ESRRG: variants seen among roughly 807,000 people sequenced by gnomAD.
ESRRG encodes estrogen-related receptor gamma.
A neutral mutation model predicts 44.0 loss-of-function variants in ESRRG; 13 were observed. That is an observed-to-expected ratio of 0.30 (90% CI 0.19 to 0.47). ESRRG has a LOEUF of 0.47. Among genes scored for constraint, ESRRG ranks in the 20% least tolerant of loss-of-function variants. The probability of loss-of-function intolerance (pLI) is 1.00; values close to 1 mark genes in which losing one functional copy is unlikely to be tolerated. For synonymous variants in ESRRG, 215 were observed against 214.6 expected, an observed-to-expected ratio of 1.00 and a Z score of -0.02; for missense variants, 395 against 580.6, an observed-to-expected ratio of 0.68 and a Z score of 3.29.
chr1:216,545,480 A>G (rs769831635), intron 5 of ESRRG, among the ~76,000 whole-genome samples: 1 of 152,080 alleles, frequency 6.6e-6, no homozygotes, highest in Non-Finnish European at 1.5e-5. Flanking sequence ...AATTAGTCTG[A>G]TGTTATTTGT....
chr1:216,897,189 AC>A (rs2058530665), intron 2 of ESRRG, among the ~76,000 whole-genome samples: 1 of 152,132 alleles, frequency 6.6e-6, no homozygotes, highest in Admixed American at 6.5e-5. Flanking sequence ...AATGAGAAGG[AC>A]CCAGTGGATT....
At chr1:217,012,061 T>C (rs1397558198) in intron 1 of ESRRG, among the ~76,000 whole-genome samples, 1 of 152,064 alleles carries the variant, frequency 6.6e-6, no homozygotes, top group Non-Finnish European at 1.5e-5. Context: ...AGAAGATGAG[T>C]ACACAAATAT....
At chr1:217,036,656 C>A (rs975508903) in intron 1 of ESRRG, among the ~76,000 whole-genome samples, 20 of 151,904 alleles carry the variant, frequency 1.3e-4, no homozygotes, top group African/African-American at 4.8e-4. Context: ...CACACTGGGG[C>A]CTATTGGAGG....
At chr1:216,877,704 A>T (rs1439923723) in intron 2 of ESRRG, among the ~76,000 whole-genome samples, 1 of 152,144 alleles carries the variant, frequency 6.6e-6, no homozygotes, top group Non-Finnish European at 1.5e-5. Flanking sequence ...ACATACAGGC[A>T]GATCACCGCG....
intron 3 of ESRRG, among the ~76,000 whole-genome samples, chr1:216,622,612 A>T (rs184448532): frequency 5.0e-4 from 76 of 152,028 alleles, no homozygotes; most frequent in African/African-American, 1.7e-3. Flanking sequence ...TGAAAATTAC[A>T]CACACGCACA....
At chr1:216,833,966 G>A (rs2095525456) in intron 2 of ESRRG, among the ~76,000 whole-genome samples, 1 of 152,208 alleles carries the variant, frequency 6.6e-6, no homozygotes, top group Non-Finnish European at 1.5e-5. Flanking sequence ...GAGACCATGA[G>A]TCTCTCTAGT....
At chr1:216,966,797 T>C (rs965583867) in intron 1 of ESRRG, among the ~76,000 whole-genome samples, 6 of 152,136 alleles carry the variant, frequency 3.9e-5, no homozygotes, top group African/African-American at 1.2e-4. Context: ...TATAAGCCAC[T>C]ATAAACCAAT....
At chr1:216,577,310 G>T (rs1352412367) in intron 3 of ESRRG, among the ~76,000 whole-genome samples, 1 of 151,874 alleles carries the variant, frequency 6.6e-6, no homozygotes, top group African/African-American at 2.4e-5. Flanking sequence ...ATTGAAAAAA[G>T]ATACTACTAT....
intron 1 of ESRRG, among the ~76,000 whole-genome samples, chr1:216,979,750 T>C (rs1481646395): frequency 6.6e-6 from 1 of 152,110 alleles, no homozygotes; most frequent in Non-Finnish European, 1.5e-5. Context: ...CTATAATAAG[T>C]GTTTAATAAC....
At chr1:216,818,016 G>GA (rs1188639249) in intron 2 of ESRRG, among the ~76,000 whole-genome samples, 7 of 151,842 alleles carry the variant, frequency 4.6e-5, no homozygotes, top group African/African-American at 1.7e-4. Flanking sequence ...TTTGTAAAAA[G>GA]AAAAAACTAT....
At chr1:216,920,269 G>A (rs760327838) in intron 2 of ESRRG, among the ~76,000 whole-genome samples, 22 of 152,002 alleles carry the variant, frequency 1.4e-4, no homozygotes, top group African/African-American at 4.8e-5. Context: ...CTCCAGTCAG[G>A]GAAAATAATG....
rs1196205582 is a variant in ESRRG at position 216,953,665 on chromosome 1, CT to C, written c.-105-13993del. On this transcript the variant is annotated intron_variant, in intron 1 of 7. Coordinates refer to the ESRRG transcript ENST00000359162. The stretch of plus-strand genomic sequence containing the variant: ...TTCACATGTACTTCTGACCTCACCA[CT>C]TCAGGTTCAGTGACATAATAGTGTT... Among the ~76,000 whole-genome samples, 4 of 152,146 alleles carry C rather than the reference CT, an allele frequency of 2.6e-5. No homozygotes were observed. In the East Asian group the frequency reaches 7.8e-4, roughly 30 times the overall value.
intron 1 of ESRRG, among the ~76,000 whole-genome samples, chr1:217,128,623 T>C (rs950304058): frequency 3.3e-5 from 5 of 152,194 alleles, no homozygotes; most frequent in Non-Finnish European, 5.9e-5. Context: ...CATCCTGAGA[T>C]AAAAGATCTC....
chr1:216,882,483 C>T (rs573782502), intron 2 of ESRRG, among the ~76,000 whole-genome samples: 2 of 152,268 alleles, frequency 1.3e-5, no homozygotes, highest in East Asian at 3.9e-4. Flanking sequence ...TACTCAACAA[C>T]ATGCTAGATG....
chr1:216,932,822 C>A (rs2063563370), intron 2 of ESRRG, among the ~76,000 whole-genome samples: 1 of 148,532 alleles, frequency 6.7e-6, no homozygotes. Flanking sequence ...CCCACTTTGG[C>A]CTCCCAAAGT....
At chr1:216,722,922 G>A (rs1022446052) in intron 1 of ESRRG, among the ~76,000 whole-genome samples, 2 of 152,134 alleles carry the variant, frequency 1.3e-5, no homozygotes, top group African/African-American at 4.8e-5. Flanking sequence ...CCTAGTAAAA[G>A]ATGCATTTTA....
At chr1:216,828,356 T>C (rs890730632) in intron 2 of ESRRG, among the ~76,000 whole-genome samples, 4 of 152,272 alleles carry the variant, frequency 2.6e-5, no homozygotes, top group Non-Finnish European at 5.9e-5. Context: ...TATTTACCTG[T>C]TCGTTTGGTT....
chr1:217,004,534 T>C (rs1318965891), intron 1 of ESRRG, among the ~76,000 whole-genome samples: 2 of 152,166 alleles, frequency 1.3e-5, no homozygotes, highest in Admixed American at 6.5e-5. Context: ...TCTCTTTCCC[T>C]TATAAATTAC....
At chr1:216,951,084 T>A (rs2066876435) in intron 1 of ESRRG, among the ~76,000 whole-genome samples, 1 of 152,208 alleles carries the variant, frequency 6.6e-6, no homozygotes, top group Admixed American at 6.5e-5. Flanking sequence ...ATATCACTTG[T>A]ATCCACTATT....
Sources: allele counts gnomAD v4.1 joint callset (sites outside exome capture counted in the v4.1 genomes callset), GRCh38; gene constraint gnomAD v4.1.1; transcripts MANE v1.5; gene names NCBI Gene and HGNC (gene_info 2026-07-23, HGNC 2026-07-21).